Variants in ERMARD observed in about 807,000 individuals in gnomAD.
ERMARD encodes endoplasmic reticulum membrane-associated RNA degradation protein.
A neutral mutation model predicts 83.9 loss-of-function variants in ERMARD; 71 were observed. The ratio of observed to expected loss-of-function variants is 0.85; its 90% CI spans 0.70 to 1.03. The LOEUF is 1.03. Ranked by LOEUF, ERMARD falls within the 50% of genes least tolerant of loss-of-function variation. The probability of loss-of-function intolerance (pLI) is 0.00; values close to 1 mark genes in which losing one functional copy is unlikely to be tolerated. For missense variants in ERMARD, 838 were observed against 810.9 expected (o/e 1.03, Z -0.41); for synonymous variants, 284 against 298.6 (o/e 0.95, Z 0.50).
intron 9 of ERMARD, among the ~76,000 whole-genome samples, chr6:169,764,622 T>C (rs1336389317): frequency 6.6e-6 from 1 of 152,158 alleles, no homozygotes; most frequent in Non-Finnish European, 1.5e-5. Flanking sequence ...TGGTTTTTTT[T>C]CATTTGTTTA....
chr6:169,775,212 C>T (rs1215520131), intron 13 of ERMARD, 58 bp from the exon 14 acceptor site: 1 of 1,550,784 alleles, frequency 6.4e-7, no homozygotes, highest in East Asian at 2.3e-5. Context: ...CATAAAAACA[C>T]AGATTTTCTA....
chr6:169,773,439 G>A (rs1793216035), intron 13 of ERMARD, 37 bp downstream of exon 13: 1 of 1,597,948 alleles, frequency 6.3e-7, no homozygotes, highest in Non-Finnish European at 8.6e-7. Context: ...GGGCGTGTAT[G>A]TCTCTGAAAC....
At chr6:169,762,326 T>C in intron 8 of ERMARD, 103 bp from the exon 9 acceptor site, 1 of 1,049,534 alleles carries the variant, frequency 9.5e-7, no homozygotes, top group East Asian at 2.5e-5. Flanking sequence ...CCTCCCACCT[T>C]GGCTTCCCAA....
rs1490210126 is a variant in ERMARD, at chr6:169,762,510, A to G, written c.939A>G (p.Pro313=). ...TTTTTGCCACACTTAACAGATGTCC[A>G]AAAAGACTCCTGACTGCTGAGGTAA... The part of the protein sequence containing the change: ...RNVFATLNRC[P]KRLLTAESTA... The change falls in exon 9 of 18, where the codon CCA becomes CCG. Residue 313 remains proline (P), a synonymous_variant. Coordinates refer to ENST00000366773, the MANE Select transcript of ERMARD (RefSeq NM_018341.3). 1 of 1,613,952 alleles carries G rather than the reference A, an allele frequency of 6.2e-7. No homozygotes were observed. The highest frequency in any genetic ancestry group is 8.5e-7 in the Non-Finnish European group (1 of 1,179,822).
chr6:169,764,206 C>T (rs970867448), intron 9 of ERMARD, among the ~76,000 whole-genome samples: 5 of 152,116 alleles, frequency 3.3e-5, no homozygotes, highest in Non-Finnish European at 5.9e-5. Context: ...ACGATTCTTC[C>T]TCCTTCTCAA....
At chr6:169,764,144 T>C (rs56320420) in intron 9 of ERMARD, among the ~76,000 whole-genome samples, 1,990 of 152,194 alleles carry the variant, frequency 0.013, 28 homozygotes, top group Middle Eastern at 0.054. Context: ...GCTCTTCCTG[T>C]CCAAACTGAG....
In ERMARD at chr6:169,763,644, C is replaced by T. The variant is rs1791826212; in HGVS notation, c.960+1113C>T. Among the ~76,000 whole-genome samples, 4 of 152,352 alleles carry T rather than the reference C, an allele frequency of 2.6e-5. 1 individual carries two copies. The Middle Eastern group carries it at 0.014, about 518-fold the overall frequency. ...CTCTAGCTTGGCTTTTGCTTTTTGCCCCTCTTTGTAGGCATTCCTCAATGC... is the reference window on the plus strand; with the variant it reads ...CTCTAGCTTGGCTTTTGCTTTTTGCTCCTCTTTGTAGGCATTCCTCAATGC... On this transcript the variant is annotated intron_variant, in intron 9 of 17. Transcript: ENST00000366773.
intron 9 of ERMARD, among the ~76,000 whole-genome samples, chr6:169,764,643 T>C (rs1330665692): frequency 2.0e-5 from 3 of 152,218 alleles, no homozygotes; most frequent in Non-Finnish European, 4.4e-5. Flanking sequence ...ACCTCCTCGA[T>C]GATGTCCTGC....
intron 12 of ERMARD, 81 bp from the exon 13 acceptor site, chr6:169,773,238 C>A: frequency 2.7e-6 from 3 of 1,113,830 alleles, no homozygotes; most frequent in Non-Finnish European, 4.0e-6. Context: ...GAAATGGGGA[C>A]TCTAAGTGGC....
At chr6:169,755,232 A>G in intron 2 of ERMARD, 51 bp from the exon 3 acceptor site, 2 of 1,563,440 alleles carry the variant, frequency 1.3e-6, no homozygotes, top group Non-Finnish European at 1.7e-6. Context: ...GATATTTTAT[A>G]TCATGTGATA....
intron 1 of ERMARD, among the ~76,000 whole-genome samples, chr6:169,753,541 C>CTT (rs80179662): frequency 7.0e-6 from 1 of 141,904 alleles, no homozygotes; most frequent in Non-Finnish European, 1.5e-5. Flanking sequence ...TGTATTTTTT[C>CTT]TTTTTTTTTT....
rs766790236 is a variant in ERMARD, at chr6:169,769,551, G to A, written c.1071G>A (p.Trp357Ter). The A allele has an allele frequency of 4.4e-6, 7 of 1,594,526 alleles. No homozygotes were observed. The South Asian group carries it at 6.9e-5, about 16-fold the overall frequency. Reference protein sequence around the residue: ...FLGEPAMEFLWDFLNHQEGPR... With the variant: ...FLGEPAMEFL The stretch of plus-strand genomic sequence containing the variant: ...TTAATTTCTGAAAGGAATTTCTCTG[G>A]GATTTCCTGAACCATCAGGAGGGTC... Residue 357 changes from tryptophan (W) to a stop codon, truncating the protein, a stop_gained, in exon 12 of 18, where the codon TGG becomes TGA. Coordinates refer to ENST00000366773, the MANE Select transcript of ERMARD (RefSeq NM_018341.3). LOFTEE classifies it high-confidence loss of function.
At chr6:169,759,603 G>T (rs1327106651) in intron 6 of ERMARD, among the ~76,000 whole-genome samples, 1 of 152,080 alleles carries the variant, frequency 6.6e-6, no homozygotes, top group Admixed American at 6.6e-5. Flanking sequence ...TGTATGTTTT[G>T]TAGAGATAGG....
chr6:169,766,584 G>A, intron 9 of ERMARD, 54 bp from the exon 10 acceptor site: 4 of 1,459,208 alleles, frequency 2.7e-6, no homozygotes, highest in Non-Finnish European at 3.7e-6. Flanking sequence ...CATAGTGTTA[G>A]TGTATTTGTA....
At position 169,754,048 on chromosome 6, in the gene ERMARD, G is replaced by GT. The variant is rs780228998; in HGVS notation, c.175+17dup. The GT allele has an allele frequency of 5.0e-6, 8 of 1,589,692 alleles. No individual in the cohort carries two copies. The highest frequency in any genetic ancestry group is 5.2e-6 in the Non-Finnish European group (6 of 1,164,946). On this transcript the variant is annotated intron_variant, in intron 2 of 17. Transcript: ENST00000366773. ...ACAGAGTCAGGTTTGTGCTGTCTTT[G>GT]TACTCCAAACTTTCATAACTGTCCC... is the stretch of plus-strand genomic sequence containing the variant.
intron 4 of ERMARD, 78 bp from the exon 5 acceptor site, chr6:169,756,641 C>G: frequency 1.6e-6 from 2 of 1,273,152 alleles, no homozygotes; most frequent in Non-Finnish European, 2.3e-6. Context: ...TTTGTACAAA[C>G]AGTTGCTTCA....
chr6:169,754,749 C>T (rs972534806), intron 2 of ERMARD, among the ~76,000 whole-genome samples: 3 of 152,232 alleles, frequency 2.0e-5, no homozygotes, highest in East Asian at 3.9e-4. Context: ...TTTGTAATTA[C>T]CCTTTGGTAT....
Position 169,776,130 on chromosome 6 carries a change from A to T in ERMARD, c.1520+65A>T, listed in dbSNP as rs543415844. On this transcript the variant is annotated intron_variant, in intron 15 of 17. Coordinates refer to ENST00000366773, the MANE Select transcript of ERMARD (RefSeq NM_018341.3). ...TTCAGCAGATTAGCATAGCAAACTT[A>T]GCATTTTCTATGTTTTAGATTTTAT... is the stretch of plus-strand genomic sequence containing the variant. The T allele has an allele frequency of 9.2e-5, 146 of 1,590,640 alleles. 1 individual carries two copies. The East Asian group carries it at 3.2e-3, about 34-fold the overall frequency.
intron 12 of ERMARD, chr6:169,771,032 A>G (rs1008755913): frequency 4.6e-5 from 7 of 150,646 alleles, no homozygotes; most frequent in African/African-American, 1.7e-4. Flanking sequence ...AAATATATGT[A>G]TACATTTTCT....
Sources: allele counts gnomAD v4.1 joint callset (sites outside exome capture counted in the v4.1 genomes callset), GRCh38; gene constraint gnomAD v4.1.1; transcripts MANE v1.5; gene names NCBI Gene and HGNC (gene_info 2026-07-23, HGNC 2026-07-21).